The following CNTLN variants were observed in gnomAD, a reference collection of about 807,000 sequenced individuals.
The protein encoded by CNTLN is centlein, also known as centlein, centrosomal protein.
In CNTLN, 212 loss-of-function variants were observed where a neutral mutation model predicts 180.0. The observed-to-expected ratio is 1.18, with a 90% confidence interval of 1.05 to 1.32. The LOEUF (loss-of-function observed/expected upper bound fraction) is 1.32. CNTLN is among the 40% of genes most tolerant of loss of function. CNTLN has a pLI of 0.00. For synonymous variants in CNTLN, 722 were observed against 563.1 expected (o/e 1.28, Z -3.99); for missense variants, 2,095 against 1,610.9 (o/e 1.30, Z -5.14).
intron 7 of CNTLN, chr9:17,301,066 A>C: frequency 2.0e-6 from 2 of 985,414 alleles, no homozygotes; most frequent in Non-Finnish European, 2.4e-6. Context: ...TTCCAAGACT[A>C]AGGATAAAGA....
intron 23 of CNTLN, among the ~76,000 whole-genome samples, chr9:17,469,400 C>G (rs1336171592): frequency 2.6e-5 from 4 of 151,636 alleles, no homozygotes; most frequent in African/African-American, 9.7e-5. Flanking sequence ...ATAGGGCCAC[C>G]AGCAAATTAA....
chr9:17,233,000 GT>G, intron 3 of CNTLN, among the ~76,000 whole-genome samples: 1 of 150,456 alleles, frequency 6.6e-6, no homozygotes, highest in Non-Finnish European at 1.5e-5. Context: ...GAACAGAAAA[GT>G]TAAAAACTGA....
At chr9:17,520,080 T>G in the CNTLN span, among the ~76,000 whole-genome samples, 1 of 152,334 alleles carries the variant, frequency 6.6e-6, no homozygotes. Flanking sequence ...ATTCAAATAT[T>G]TATTTTGCTT....
chr9:17,233,659 T>C (rs1449182717), intron 3 of CNTLN, among the ~76,000 whole-genome samples: 1 of 152,126 alleles, frequency 6.6e-6, no homozygotes, highest in Non-Finnish European at 1.5e-5. Flanking sequence ...AAATACACAC[T>C]GATAAAAGAT....
intron 19 of CNTLN, 73 bp downstream of exon 19, chr9:17,457,788 C>G (rs1327212738): frequency 5.7e-6 from 5 of 872,202 alleles, no homozygotes; most frequent in Non-Finnish European, 6.3e-6. Context: ...TATATGAACA[C>G]TAATTTATTC....
Position 17,295,916 on chromosome 9 carries a change from G to A in CNTLN, c.984-2274G>A, listed in dbSNP as rs371294480. On this transcript the variant is annotated intron_variant, in intron 6 of 25. Transcript: ENST00000380647. The stretch of plus-strand genomic sequence containing the variant: ...AGAAAAATGTGCTTTTTCCCAGGTT[G>A]ATTTTTAATTTGCAAAGAGTAATAA... Among the ~76,000 whole-genome samples the A allele has an allele frequency of 4.6e-5, 7 of 151,156 alleles. No homozygotes were observed. The East Asian group carries it at 1.2e-3, about 25-fold the overall frequency.
chr9:17,273,027 T>G (rs1828057735), intron 5 of CNTLN, among the ~76,000 whole-genome samples: 1 of 152,132 alleles, frequency 6.6e-6, no homozygotes. Context: ...GTGCTTTATC[T>G]AAAACTTGGT....
intron 6 of CNTLN, among the ~76,000 whole-genome samples, chr9:17,284,867 T>G (rs1251368662): frequency 6.6e-6 from 1 of 152,082 alleles, no homozygotes; most frequent in African/African-American, 2.4e-5. Context: ...AACTTGAGAT[T>G]TTTCTAGCTT....
chr9:17,388,405 G>T, intron 14 of CNTLN, 152 bp downstream of exon 14: 2 of 547,702 alleles, frequency 3.7e-6, no homozygotes, highest in South Asian at 3.6e-5. Flanking sequence ...GCCAAAATGG[G>T]GTAAAAAAAA....
chr9:17,437,183 G>T (rs1306022217), intron 18 of CNTLN, among the ~76,000 whole-genome samples: 1 of 152,194 alleles, frequency 6.6e-6, no homozygotes, highest in African/African-American at 2.4e-5. Context: ...GGACGTGACT[G>T]TCTTATTCCT....
chr9:17,448,161 C>A (rs1830557540), intron 18 of CNTLN: 2 of 208,928 alleles, frequency 9.6e-6, no homozygotes, highest in Non-Finnish European at 2.1e-5. Flanking sequence ...CCATTAATTT[C>A]CTTAATTCAG....
chr9:17,202,959 T>C (rs1822654383), intron 2 of CNTLN, among the ~76,000 whole-genome samples: 1 of 152,170 alleles, frequency 6.6e-6, no homozygotes, highest in Admixed American at 6.5e-5. Flanking sequence ...GGTGTGTTTT[T>C]GCAGTGGCTG....
intron 2 of CNTLN, among the ~76,000 whole-genome samples, chr9:17,193,617 G>T (rs747671569): frequency 1.1e-4 from 17 of 152,286 alleles, no homozygotes; most frequent in Non-Finnish European, 1.9e-4. Flanking sequence ...GCAGGGTCCA[G>T]CCTCCCTCCC....
At chr9:17,284,309 A>G (rs575748056) in intron 6 of CNTLN, among the ~76,000 whole-genome samples, 43 of 152,070 alleles carry the variant, frequency 2.8e-4, no homozygotes, top group Non-Finnish European at 4.0e-4. Context: ...CTCCTTTTCA[A>G]TTGTTTGGAA....
At chr9:17,388,711 C>T (rs1054225345) in intron 14 of CNTLN, among the ~76,000 whole-genome samples, 1 of 151,736 alleles carries the variant, frequency 6.6e-6, no homozygotes, top group South Asian at 2.1e-4. Context: ...ATACGTGACT[C>T]TTCTCATTTT....
intron 2 of CNTLN, among the ~76,000 whole-genome samples, chr9:17,196,511 G>C (rs1246765920): frequency 1.3e-5 from 2 of 151,992 alleles, no homozygotes; most frequent in Non-Finnish European, 2.9e-5. Flanking sequence ...AAGTTATCTT[G>C]AGTGGTCAGA....
chr9:17,263,723 A>G (rs1177668237), intron 5 of CNTLN, among the ~76,000 whole-genome samples: 2 of 144,526 alleles, frequency 1.4e-5, no homozygotes, highest in South Asian at 4.8e-4. Context: ...TGACTTTTTA[A>G]TGATCACCAT....
rs527507521 is a variant in CNTLN, at chr9:17,150,363, G to A, written c.449+6987G>A. Among the ~76,000 whole-genome samples, 6 of 152,302 alleles carry A rather than the reference G, an allele frequency of 3.9e-5. No homozygotes were observed. The South Asian group carries it at 6.2e-4, about 16-fold the overall frequency. On this transcript the variant is annotated intron_variant, in intron 2 of 25. Transcript: ENST00000380647. ...GTGAGGGGTCCAGTTTCAGTTGTCTGCATATGGCTAGCCAGTTTTCCCAAC... is the reference window on the plus strand; with the variant it reads ...GTGAGGGGTCCAGTTTCAGTTGTCTACATATGGCTAGCCAGTTTTCCCAAC...
Position 17,478,745 on chromosome 9 carries a change from A to G in CNTLN, c.3856-5550A>G, listed in dbSNP as rs188898099. Among the ~76,000 whole-genome samples, 5 of 152,188 alleles carry G rather than the reference A, an allele frequency of 3.3e-5. No homozygotes were observed. The East Asian group carries it at 9.7e-4, about 29-fold the overall frequency. ...TTATCCAGCATCATTTACTGGAGAG[A>G]CTGTCCTTTCACCGTTATATATCAC... On this transcript the variant is annotated intron_variant, in intron 23 of 25. Coordinates refer to ENST00000380647, the MANE Select transcript of CNTLN (RefSeq NM_017738.4).
Sources: gnomAD v4.1 joint callset for allele counts (sites outside exome capture counted in the v4.1 genomes callset) on GRCh38, gnomAD v4.1.1 for gene constraint, MANE v1.5 for transcripts, NCBI Gene and HGNC (gene_info 2026-07-23, HGNC 2026-07-21) for gene names.